Variants in OSBPL1A observed in about 807,000 individuals in gnomAD.
OSBPL1A encodes the protein oxysterol-binding protein-related protein 1.
Under a neutral mutation model 137.1 loss-of-function variants are expected in OSBPL1A, and 80 were observed. The ratio of observed to expected loss-of-function variants is 0.58; its 90% CI spans 0.49 to 0.70. The LOEUF (loss-of-function observed/expected upper bound fraction) is 0.70, where lower values mean the gene tolerates loss of function less well. Among genes scored for constraint, OSBPL1A ranks in the 30% least tolerant of loss-of-function variants. The pLI is 0.00. For synonymous variants in OSBPL1A, 365 were observed against 389.7 expected (o/e 0.94, Z 0.75); for missense variants, 970 against 1,129.4 (o/e 0.86, Z 2.02).
In OSBPL1A at chr18:24,391,820, A is replaced by G. The variant is rs1383702313; in HGVS notation, c.-3+5835T>C. ...TTTTATCACACACAAAAAATCAGGAAGCATCTAAAATACGACTGGCACAAT... is the reference window on the plus strand; with the variant it reads ...TTTTATCACACACAAAAAATCAGGAGGCATCTAAAATACGACTGGCACAAT... On this transcript the variant is annotated intron_variant, in intron 1 of 27. Coordinates refer to ENST00000319481, the MANE Select transcript of OSBPL1A (RefSeq NM_080597.4). Among the ~76,000 whole-genome samples the G allele has an allele frequency of 2.6e-5, 4 of 152,210 alleles. No homozygotes were observed. In the East Asian group the frequency reaches 7.7e-4, roughly 29 times the overall value.
chr18:24,181,160 A>G lies in OSBPL1A; in HGVS notation c.1797T>C (p.Pro599=), dbSNP rs1599447357. The change falls in exon 19 of 28, where the codon CCT becomes CCC. Residue 599 remains proline (P), a synonymous_variant. Transcript: ENST00000319481. ...TGGCTCATACCTGCATCCTTTCCAC[A>G]GGATCAGAGAGTGAACTGGCCTTGT... The part of the protein sequence containing the change: ...LIHKASSLSD[P]VERMQCVAAF... The G allele has an allele frequency of 2.5e-6, 4 of 1,613,876 alleles. No homozygotes were observed. Among genetic ancestry groups the G allele is most frequent in the African/African-American group, 2.7e-5 (2 of 75,040 alleles).
At position 24,162,564 on chromosome 18, in the gene OSBPL1A, T is replaced by C. The variant is rs2086043842; in HGVS notation, c.*615A>G. ...AGAGCACTAAGTAAATGAAATACTT[T>C]TCCAGTTTAATTCTTTAGAATTTTC... On this transcript the variant is annotated 3_prime_UTR_variant, in exon 28 of 28. Coordinates refer to ENST00000319481, the MANE Select transcript of OSBPL1A (RefSeq NM_080597.4). The C allele has an allele frequency of 6.6e-6, 1 of 152,270 alleles. No individual in the cohort carries two copies. Among genetic ancestry groups the C allele is most frequent in the South Asian group, 2.1e-4 (1 of 4,838 alleles). The allele number at this position is 152,270 out of a possible 1,614,324, so 9.4% of individuals were successfully genotyped here. A position where few individuals can be genotyped will look rare whatever the true frequency, so the allele number is the denominator to read the frequency against.
chr18:24,276,999 C>T (rs145107997), intron 15 of OSBPL1A, among the ~76,000 whole-genome samples: 27 of 152,158 alleles, frequency 1.8e-4, no homozygotes, highest in Middle Eastern at 3.4e-3. Context: ...TTTTAATAAA[C>T]AGGAGATTAG....
chr18:24,291,079 A>G (rs2090167194), intron 14 of OSBPL1A, among the ~76,000 whole-genome samples: 1 of 152,196 alleles, frequency 6.6e-6, no homozygotes, highest in Admixed American at 6.5e-5. Flanking sequence ...CAAAAACAAA[A>G]TAAAACACAA....
intron 15 of OSBPL1A, among the ~76,000 whole-genome samples, chr18:24,277,098 C>T (rs2089860550): frequency 6.6e-6 from 1 of 151,860 alleles, no homozygotes; most frequent in Non-Finnish European, 1.5e-5. Flanking sequence ...TTTTAAAAAC[C>T]TATAAAGAGC....
intron 2 of OSBPL1A, among the ~76,000 whole-genome samples, chr18:24,370,547 C>T (rs1014465095): frequency 1.3e-5 from 2 of 152,128 alleles, no homozygotes; most frequent in East Asian, 3.9e-4. Flanking sequence ...ACAGCCTGGG[C>T]GCCATCATCA....
intron 14 of OSBPL1A, among the ~76,000 whole-genome samples, chr18:24,298,392 G>A (rs886287604): frequency 6.6e-6 from 1 of 152,142 alleles, no homozygotes; most frequent in Admixed American, 6.5e-5. Context: ...TGTCACCCAG[G>A]CTGGAGTGCA....
chr18:24,200,925 A>G (rs1232530583), intron 17 of OSBPL1A, among the ~76,000 whole-genome samples: 2 of 152,196 alleles, frequency 1.3e-5, no homozygotes, highest in African/African-American at 4.8e-5. Context: ...ATATTTAAAA[A>G]TTTCACTCTC....
At chr18:24,262,435 T>C (rs755441970) in intron 15 of OSBPL1A, among the ~76,000 whole-genome samples, 34 of 152,218 alleles carry the variant, frequency 2.2e-4, no homozygotes, top group Non-Finnish European at 4.9e-4. Flanking sequence ...ATAATCATTT[T>C]TAAAAGTAGG....
intron 4 of OSBPL1A, among the ~76,000 whole-genome samples, chr18:24,354,134 TA>T (rs1189014777): frequency 7.4e-5 from 11 of 147,860 alleles, no homozygotes; most frequent in African/African-American, 1.5e-4. Flanking sequence ...AACAGGAGGT[TA>T]AAAAAAAAAC....
chr18:24,314,326 G>C lies in OSBPL1A; in HGVS notation c.892C>G (p.Leu298Val), dbSNP rs1476151245. ...TCATCAAAGCATTTAATAAAGAAGA[G>C]GCAGCTATCAGTGGATTTTACCTTG... ...VCTVKSTDSC[L>V]FFIKCFDDTI... The change falls in exon 12 of 28, where the codon CTC becomes GTC. Residue 298 changes from leucine to valine, a missense_variant. Physicochemically the swap from Leu to Val is conservative, Grantham distance 32. Around this residue, in one of 2 missense-constraint regions of OSBPL1A, gnomAD observed 647 missense variants for 672.6 expected, o/e 0.96. Coordinates refer to ENST00000319481, the MANE Select transcript of OSBPL1A (RefSeq NM_080597.4). 1 of 1,609,050 alleles carries C rather than the reference G, an allele frequency of 6.2e-7. No individual in the cohort carries two copies. The highest frequency in any genetic ancestry group is 8.5e-7 in the Non-Finnish European group (1 of 1,178,278).
intron 15 of OSBPL1A, among the ~76,000 whole-genome samples, chr18:24,273,606 G>A (rs2089773641): frequency 6.6e-6 from 1 of 152,128 alleles, no homozygotes; most frequent in Admixed American, 6.5e-5. Context: ...TTTTTCCTTT[G>A]TACATTCATT....
intron 17 of OSBPL1A, among the ~76,000 whole-genome samples, chr18:24,221,898 T>C (rs1423801947): frequency 6.6e-6 from 1 of 152,200 alleles, no homozygotes; most frequent in East Asian, 1.9e-4. Context: ...TTTCTGTCTG[T>C]TAATGGTCCA....
chr18:24,308,651 AC>A (rs745601922), intron 13 of OSBPL1A, among the ~76,000 whole-genome samples: 1 of 152,074 alleles, frequency 6.6e-6, no homozygotes, highest in South Asian at 2.1e-4. Context: ...GTCCAATAGA[AC>A]TTTCTATGAT....
chr18:24,163,310 A>AGACAG, intron 27 of OSBPL1A, 29 bp from the exon 28 acceptor site: 1 of 1,492,578 alleles, frequency 6.7e-7, no homozygotes, highest in Non-Finnish European at 9.2e-7. Context: ...CAAGACTTAC[A>AGACAG]GGGGAAACTA....
chr18:24,385,853 A>G (rs1369018486), intron 1 of OSBPL1A, among the ~76,000 whole-genome samples: 1 of 152,194 alleles, frequency 6.6e-6, no homozygotes, highest in East Asian at 1.9e-4. Flanking sequence ...CTTTTAGGAT[A>G]TTAGACACCT....
At chr18:24,170,705 G>A (rs2086257827) in intron 23 of OSBPL1A, 1 of 421,728 alleles carries the variant, frequency 2.4e-6, no homozygotes, top group Non-Finnish European at 4.3e-6. Context: ...GGAGTACAGA[G>A]GTATAATCAT....
intron 13 of OSBPL1A, among the ~76,000 whole-genome samples, chr18:24,304,831 C>T (rs906242054): frequency 5.9e-5 from 9 of 152,178 alleles, no homozygotes; most frequent in Non-Finnish European, 1.3e-4. Flanking sequence ...AGGCAATATT[C>T]TCTTCAAAAT....
chr18:24,386,820 G>A (rs1906987651), intron 1 of OSBPL1A, among the ~76,000 whole-genome samples: 3 of 152,010 alleles, frequency 2.0e-5, no homozygotes, highest in South Asian at 2.1e-4. Flanking sequence ...TTAGCTGGGC[G>A]TGGTGGCATG....
Sources: allele counts gnomAD v4.1 joint callset (sites outside exome capture counted in the v4.1 genomes callset), GRCh38; gene constraint gnomAD v4.1.1; regional missense constraint gnomAD v4.1.1; transcripts MANE v1.5; gene names NCBI Gene and HGNC (gene_info 2026-07-23, HGNC 2026-07-21).